CLTC: variants seen among roughly 807,000 people sequenced by gnomAD.
The protein encoded by CLTC is clathrin heavy chain 1.
Under a neutral mutation model 195.8 loss-of-function variants are expected in CLTC, and 16 were observed. That is an observed-to-expected ratio of 0.08 (90% CI 0.06 to 0.12). The LOEUF is 0.12. Among genes scored for constraint, CLTC ranks in the 10% least tolerant of loss-of-function variants. CLTC has a pLI of 1.00. For synonymous variants in CLTC, 667 were observed against 689.4 expected (o/e 0.97, Z 0.51); for missense variants, 796 against 2,027.0 (o/e 0.39, Z 11.66).
intron 18 of CLTC, among the ~76,000 whole-genome samples, chr17:59,679,927 G>A (rs75404816): frequency 1.3e-5 from 2 of 151,862 alleles, no homozygotes; most frequent in African/African-American, 4.8e-5. Context: ...AAATTAGCCA[G>A]GTGCATGTAA....
intron 1 of CLTC, among the ~76,000 whole-genome samples, chr17:59,623,679 A>G (rs981152290): frequency 2.6e-5 from 4 of 152,146 alleles, no homozygotes; most frequent in Non-Finnish European, 4.4e-5. Flanking sequence ...ATATGTTTAT[A>G]TGTTATTCAA....
Position 59,648,107 on chromosome 17 carries a change from TGA to T in CLTC, c.520-128_520-127del, listed in dbSNP as rs1158718111. Reference sequence around the variant, plus strand: ...AAGTTAAGAAGTATCAAATCTACAGTGAGAGATGAAGTGACAAATAATTATAA... The same window carrying T: ...AAGTTAAGAAGTATCAAATCTACAGTGAGATGAAGTGACAAATAATTATAA... On this transcript the variant is annotated intron_variant, in intron 3 of 31. Transcript: ENST00000269122. This position sits in a 1 kb window ranked among gnomAD's most constrained non-coding sequence, Gnocchi z 4.5. The T allele has an allele frequency of 7.2e-6, 6 of 830,330 alleles. No individual in the cohort carries two copies. The highest frequency in any genetic ancestry group is 1.7e-5 in the African/African-American group (1 of 58,258). The allele number at this position is 830,330 out of a possible 1,614,324, so 51.4% of individuals were successfully genotyped here.
rs2143419713 is a variant in CLTC, at chr17:59,619,991, G to T, written c.-141G>T. On this transcript the variant is annotated 5_prime_UTR_variant, in exon 1 of 32. Transcript: ENST00000269122. Reference sequence around the variant, plus strand: ...CCGACCCGAGCTCTTTCGTCTGCCTGCCAGTTTCCTGCGTCCCCGGAGAGG... The same window carrying T: ...CCGACCCGAGCTCTTTCGTCTGCCTTCCAGTTTCCTGCGTCCCCGGAGAGG... 2 of 693,124 alleles carry T rather than the reference G, an allele frequency of 2.9e-6. No individual in the cohort carries two copies. Among genetic ancestry groups the T allele is most frequent in the South Asian group, 3.6e-5 (2 of 55,208 alleles). 42.9% of individuals were successfully genotyped at this position (693,124 alleles called of 1,614,324 possible). A position where few individuals can be genotyped will look rare whatever the true frequency, so the allele number is the denominator to read the frequency against.
Position 59,620,228 on chromosome 17 carries a change from A to G in CLTC, c.42+55A>G, listed in dbSNP as rs1207519835. Reference sequence around the variant, plus strand: ...GTGGAGAAGGTGGTAGGAAGGATGGAAGACGCTGGAGTCTGGGCCCGAGCA... The same window carrying G: ...GTGGAGAAGGTGGTAGGAAGGATGGGAGACGCTGGAGTCTGGGCCCGAGCA... On this transcript the variant is annotated intron_variant, in intron 1 of 31. Transcript: ENST00000269122. The G allele has an allele frequency of 3.1e-6, 5 of 1,594,750 alleles. No homozygotes were observed. The African/African-American group carries it at 5.4e-5, about 17-fold the overall frequency.
intron 1 of CLTC, among the ~76,000 whole-genome samples, chr17:59,625,063 C>T (rs1344558250): frequency 6.6e-6 from 1 of 151,562 alleles, no homozygotes; most frequent in Non-Finnish European, 1.5e-5. Context: ...TAATGAGATA[C>T]CTTACATTCT....
At chr17:59,672,164 TAGTA>T (rs1004956414) in intron 14 of CLTC, among the ~76,000 whole-genome samples, 1 of 152,226 alleles carries the variant, frequency 6.6e-6, no homozygotes, top group Non-Finnish European at 1.5e-5. Flanking sequence ...ATTAAACATT[TAGTA>T]AGTAATTTAA....
At chr17:59,677,717 G>T (rs896352876) in intron 17 of CLTC, among the ~76,000 whole-genome samples, 17 of 152,152 alleles carry the variant, frequency 1.1e-4, no homozygotes, top group African/African-American at 3.4e-4. Flanking sequence ...TATATGGCAT[G>T]TAGTTTTCAT....
intron 17 of CLTC, among the ~76,000 whole-genome samples, chr17:59,678,828 C>G (rs907540005): frequency 1.4e-5 from 2 of 138,486 alleles, no homozygotes; most frequent in Non-Finnish European, 3.1e-5. Context: ...TAGCGAGCCC[C>G]CCGTCTCTAC....
chr17:59,632,594 G>T (rs1324698273), intron 1 of CLTC, among the ~76,000 whole-genome samples: 1 of 152,066 alleles, frequency 6.6e-6, no homozygotes. Context: ...AGTGAGCCGA[G>T]ATTGCGCCAC....
At chr17:59,658,143 C>T (rs957925659) in intron 6 of CLTC, among the ~76,000 whole-genome samples, 2 of 152,114 alleles carry the variant, frequency 1.3e-5, no homozygotes, top group Non-Finnish European at 2.9e-5. Context: ...GCAGAGGTTG[C>T]TGTGAGCCAA....
At chr17:59,643,132 GGTGTGTGTGTGTGT>G (rs59380117) in intron 1 of CLTC, among the ~76,000 whole-genome samples, 15 of 142,318 alleles carry the variant, frequency 1.1e-4, no homozygotes, top group Middle Eastern at 3.6e-3. Flanking sequence ...TCTTTTCTGG[GGTGTGTGTGTGTGT>G]GTGTGTGTGT....
At chr17:59,626,878 A>C (rs950764422) in intron 1 of CLTC, among the ~76,000 whole-genome samples, 3 of 152,136 alleles carry the variant, frequency 2.0e-5, no homozygotes, top group African/African-American at 7.2e-5. Context: ...ATTAAGACAT[A>C]ATTTAAGATA....
chr17:59,629,306 CCT>C (rs2031642761), intron 1 of CLTC, among the ~76,000 whole-genome samples: 1 of 152,022 alleles, frequency 6.6e-6, no homozygotes, highest in African/African-American at 2.4e-5. Context: ...AGTATTGTGT[CCT>C]CTCACAGTTG....
chr17:59,674,662 A>G, intron 15 of CLTC, 39 bp from the exon 16 acceptor site: 1 of 1,548,148 alleles, frequency 6.5e-7, no homozygotes, highest in Non-Finnish European at 8.7e-7. Context: ...TTTGCTTTTA[A>G]TAACATAATA....
chr17:59,625,259 C>CT (rs1435303422), intron 1 of CLTC, among the ~76,000 whole-genome samples: 1 of 151,914 alleles, frequency 6.6e-6, no homozygotes, highest in Non-Finnish European at 1.5e-5. Context: ...CAGGCGCGTG[C>CT]TACCACGCCC....
chr17:59,639,531 GATA>G (rs1480754444), intron 1 of CLTC, among the ~76,000 whole-genome samples: 1 of 152,112 alleles, frequency 6.6e-6, no homozygotes, highest in Non-Finnish European at 1.5e-5. Flanking sequence ...AGATTGAGAG[GATA>G]ATAAAATGTA....
intron 1 of CLTC, among the ~76,000 whole-genome samples, chr17:59,632,147 T>C (rs1203231963): frequency 6.6e-6 from 1 of 151,760 alleles, no homozygotes; most frequent in East Asian, 1.9e-4. Flanking sequence ...GGCGGGCGGA[T>C]CACGAGGTCA....
In CLTC at chr17:59,690,848, T is replaced by G. The variant is rs554701177; in HGVS notation, c.4903+137T>G. ...GAAATACTGCTCTCTACTGTCTGAT[T>G]TTTTTTCTGAGAAGTCATAAAGCAG... On this transcript the variant is annotated intron_variant, in intron 31 of 31. Transcript: ENST00000269122. The G allele has an allele frequency of 6.3e-5, 34 of 542,182 alleles. No individual in the cohort carries two copies. In the South Asian group the frequency reaches 9.5e-4, roughly 15 times the overall value. The allele number at this position is 542,182 out of a possible 1,614,324, so 33.6% of individuals were successfully genotyped here.
intron 5 of CLTC, among the ~76,000 whole-genome samples, chr17:59,655,242 A>G (rs538399304): frequency 1.3e-5 from 2 of 152,318 alleles, no homozygotes; most frequent in Admixed American, 6.5e-5. Context: ...GTTGTGTCTC[A>G]GGTAATAGGG....
Sources: allele counts gnomAD v4.1 joint callset (sites outside exome capture counted in the v4.1 genomes callset), GRCh38; gene constraint gnomAD v4.1.1; non-coding constraint Gnocchi (gnomAD v3.1); transcripts MANE v1.5; gene names NCBI Gene and HGNC (gene_info 2026-07-23, HGNC 2026-07-21).